Variants in TGM2 observed in about 807,000 individuals in gnomAD.
TGM2 encodes the protein transglutaminase 2, also known as protein-glutamine gamma-glutamyltransferase 2.
Under a neutral mutation model 75.6 loss-of-function variants are expected in TGM2, and 53 were observed. The ratio of observed to expected loss-of-function variants is 0.70; its 90% CI spans 0.56 to 0.88. The LOEUF is 0.88. Ranked by LOEUF, TGM2 falls within the 40% of genes least tolerant of loss-of-function variation. The probability of loss-of-function intolerance (pLI) is 0.00; values close to 1 mark genes in which losing one functional copy is unlikely to be tolerated. For synonymous variants in TGM2, 374 were observed against 381.1 expected (o/e 0.98, Z 0.22); for missense variants, 842 against 928.5 (o/e 0.91, Z 1.21).
At chr20:38,159,847 G>A (rs531935256) in intron 2 of TGM2, among the ~76,000 whole-genome samples, 2 of 152,228 alleles carry the variant, frequency 1.3e-5, no homozygotes, top group Admixed American at 6.5e-5. Flanking sequence ...ACAAGCATGC[G>A]TTCAGTGGGT....
At position 38,142,081 on chromosome 20, in the gene TGM2, G is replaced by A. The variant is rs2229471; in HGVS notation, c.978C>T (p.Asp326=). ...CACCTCACCAGATCATCTCGCTCTT[G>A]TCACCCTGGATCTCCCCAAACTCAT... ...FRNEFGEIQG[D]KSEMIWNFHC... The change falls in exon 7 of 13, where the codon GAC becomes GAT. Residue 326 remains aspartate (D), a synonymous_variant. Transcript: ENST00000361475. The A allele has an allele frequency of 2.7e-3, 4,393 of 1,614,080 alleles. 117 individuals carry two copies. The African/African-American group carries it at 0.051, about 19-fold the overall frequency.
At chr20:38,153,939 C>G (rs1014156060) in intron 3 of TGM2, among the ~76,000 whole-genome samples, 15 of 152,220 alleles carry the variant, frequency 9.9e-5, no homozygotes, top group African/African-American at 3.4e-4. Flanking sequence ...ACCTTAACCT[C>G]CTGAGTAGTT....
At chr20:38,165,424 G>A (rs1182913146), upstream of TGM2, 1 of 619,548 alleles carries the variant, frequency 1.6e-6, no homozygotes, top group Non-Finnish European at 2.7e-6. Context: ...CGGAGCCCGA[G>A]GGAGGGACGG....
In TGM2 at chr20:38,148,036, C is replaced by T; in HGVS notation, c.606G>A (p.Lys202=). ...AGTCACGGCCGGCGTTCTTCAGGAACTTGGGGTTGACATCTAGAAGGATCA... is the reference window on the plus strand; with the variant it reads ...AGTCACGGCCGGCGTTCTTCAGGAATTTGGGGTTGACATCTAGAAGGATCA... ...ICLILLDVNP[K]FLKNAGRDCS... The change falls in exon 5 of 13, where the codon AAG becomes AAA. Residue 202 remains lysine (K), a synonymous_variant. Transcript: ENST00000361475. 3 of 1,614,074 alleles carry T rather than the reference C, an allele frequency of 1.9e-6. No individual in the cohort carries two copies. The highest frequency in any genetic ancestry group is 1.7e-6 in the Non-Finnish European group (2 of 1,180,036).
At chr20:38,157,048 C>G (rs1293738105) in intron 2 of TGM2, among the ~76,000 whole-genome samples, 1 of 152,226 alleles carries the variant, frequency 6.6e-6, no homozygotes, top group Non-Finnish European at 1.5e-5. Context: ...CGAGGAGGGG[C>G]TGGTCACTTT....
intron 4 of TGM2, among the ~76,000 whole-genome samples, chr20:38,150,507 T>C (rs1403642145): frequency 2.6e-5 from 4 of 152,198 alleles, no homozygotes; most frequent in African/African-American, 7.2e-5. Flanking sequence ...TCTCAACCCC[T>C]AGTGTTTTAA....
At position 38,161,745 on chromosome 20, in the gene TGM2, C is replaced by T. The variant is rs997481198; in HGVS notation, c.11-146G>A. On this transcript the variant is annotated intron_variant, in intron 1 of 12. Transcript: ENST00000361475. The stretch of plus-strand genomic sequence containing the variant: ...TGTTTCGACTGACCTGTCTCCCCAG[C>T]CCTGGTCACACGGGGGCTAGGTGGG... The T allele has an allele frequency of 6.3e-6, 6 of 956,376 alleles. No individual in the cohort carries two copies. The Admixed American group carries it at 1.2e-4, about 19-fold the overall frequency. 59.2% of individuals were successfully genotyped at this position (956,376 alleles called of 1,614,324 possible).
chr20:38,150,924 G>A lies in TGM2; in HGVS notation c.552+15C>T. 6.3e-7 allele frequency: 1 copy of A among 1,584,066 alleles called. No individual in the cohort carries two copies. Among genetic ancestry groups the A allele is most frequent in the Non-Finnish European group, 8.7e-7 (1 of 1,152,648 alleles). ...GGGCCTGAGATGGTTGGGAGAGACA[G>A]GGTGTGGCCCTTACCTGCCCAAAAT... On this transcript the variant is annotated intron_variant, in intron 4 of 12. Transcript: ENST00000361475.
At position 38,148,093 on chromosome 20, in the gene TGM2, T is replaced by C; in HGVS notation, c.553-4A>G. On this transcript the variant is annotated splice_polypyrimidine_tract_variant and splice_region_variant and intron_variant, in intron 4 of 12. Transcript: ENST00000361475. ...TGTCTAGGATCCCATCTTCAAACTG[T>C]GTCAGAGGAAACAAGAGGAGAAAGA... is the stretch of plus-strand genomic sequence containing the variant. The C allele has an allele frequency of 6.2e-7, 1 of 1,614,040 alleles. No homozygotes were observed. Among genetic ancestry groups the C allele is most frequent in the East Asian group, 2.2e-5 (1 of 44,864 alleles).
rs1336912774 is a variant in TGM2, at chr20:38,139,648, T to C, written c.1106A>G (p.Tyr369Cys). 2 of 1,613,978 alleles carry C rather than the reference T, an allele frequency of 1.2e-6. No individual in the cohort carries two copies. The highest frequency in any genetic ancestry group is 2.2e-5 in the East Asian group (1 of 44,896). The part of the protein sequence containing the change: ...PTPQEKSEGT[Y>C]CCGPVPVRAI... Reference sequence around the variant, plus strand: ...ACGAACTGGAACTGGGCCACAGCAGTACGTCCCTGGCAGAGGTAGAAAGGG... The same window carrying C: ...ACGAACTGGAACTGGGCCACAGCAGCACGTCCCTGGCAGAGGTAGAAAGGG... The change falls in exon 9 of 13, where the codon TAC becomes TGC. Residue 369 changes from tyrosine to cysteine, a missense_variant. Transcript: ENST00000361475.
chr20:38,166,703 T>C (rs924259220), upstream of TGM2: 4 of 152,338 alleles, frequency 2.6e-5, no homozygotes, highest in Non-Finnish European at 2.9e-5. Context: ...AGGTGACATA[T>C]GGCTCAGGGA....
chr20:38,131,092 C>T lies in TGM2; in HGVS notation c.1913+1G>A. The T allele has an allele frequency of 6.2e-7, 1 of 1,612,056 alleles. No homozygotes were observed. Among genetic ancestry groups the T allele is most frequent in the Non-Finnish European group, 8.5e-7 (1 of 1,179,922 alleles). ...CCAAAGCTAGAGCAGCCAGCACTTACATCTCCACCGTCTTCTGCTCCTCAG... is the reference window on the plus strand; with the variant it reads ...CCAAAGCTAGAGCAGCCAGCACTTATATCTCCACCGTCTTCTGCTCCTCAG... On this transcript the variant is annotated splice_donor_variant, in intron 12 of 12. Transcript: ENST00000361475. LOFTEE classifies it high-confidence loss of function.
At chr20:38,155,823 G>A (rs773674263) in intron 3 of TGM2, 24 bp downstream of exon 3, 2 of 1,589,508 alleles carry the variant, frequency 1.3e-6, no homozygotes, top group South Asian at 2.3e-5. Context: ...CCCCAACGCT[G>A]TGAGTGGATG....
At chr20:38,156,191 C>T in intron 2 of TGM2, 102 bp from the exon 3 acceptor site, 1 of 1,379,472 alleles carries the variant, frequency 7.2e-7, no homozygotes. Flanking sequence ...CCTAGTTCTG[C>T]CACTAACCAC....
intron 4 of TGM2, among the ~76,000 whole-genome samples, chr20:38,149,757 AT>A: frequency 6.6e-6 from 1 of 152,044 alleles, no homozygotes; most frequent in East Asian, 1.9e-4. Context: ...TCAGGAGAGA[AT>A]AAAAAGCCAT....
At chr20:38,164,127 G>C (rs932359836) in intron 1 of TGM2, among the ~76,000 whole-genome samples, 1 of 152,214 alleles carries the variant, frequency 6.6e-6, no homozygotes, top group Non-Finnish European at 1.5e-5. Flanking sequence ...GCATGGGGGT[G>C]AGAAGATGCA....
intron 1 of TGM2, among the ~76,000 whole-genome samples, chr20:38,162,472 T>C (rs886439398): frequency 5.3e-5 from 8 of 152,142 alleles, no homozygotes; most frequent in Admixed American, 3.9e-4. Flanking sequence ...TACTGGGAAA[T>C]TATTGACAAA....
chr20:38,163,591 C>T (rs546477658), intron 1 of TGM2, among the ~76,000 whole-genome samples: 1 of 152,140 alleles, frequency 6.6e-6, no homozygotes, highest in Admixed American at 6.5e-5. Context: ...CACCTCACTA[C>T]AGCTCAGTTT....
intron 10 of TGM2, among the ~76,000 whole-genome samples, chr20:38,137,577 C>T (rs536653235): frequency 1.3e-5 from 2 of 152,368 alleles, no homozygotes; most frequent in East Asian, 3.9e-4. Flanking sequence ...GCGGTGCAGA[C>T]TCAGCACGTC....
Sources: allele counts gnomAD v4.1 joint callset (sites outside exome capture counted in the v4.1 genomes callset), GRCh38; gene constraint gnomAD v4.1.1; transcripts MANE v1.5; gene names NCBI Gene and HGNC (gene_info 2026-07-23, HGNC 2026-07-21).